CPEB3: variants seen among roughly 807,000 people sequenced by gnomAD.
CPEB3 encodes cytoplasmic polyadenylation element binding protein 3.
Under a neutral mutation model 67.2 loss-of-function variants are expected in CPEB3, and 20 were observed. The observed-to-expected ratio is 0.30, with a 90% confidence interval of 0.21 to 0.43. The LOEUF is 0.43. Ranked by LOEUF, CPEB3 falls within the 20% of genes least tolerant of loss-of-function variation. CPEB3 has a pLI of 1.00. For missense variants in CPEB3, 746 were observed against 968.6 expected (o/e 0.77, Z 3.05); for synonymous variants, 376 against 393.1 (o/e 0.96, Z 0.51).
chr10:92,088,999 T>C (rs141768114), intron 8 of CPEB3, among the ~76,000 whole-genome samples: 1 of 152,366 alleles, frequency 6.6e-6, no homozygotes, highest in African/African-American at 2.4e-5. Flanking sequence ...TTTGACTGTC[T>C]GTAAATGATT....
At chr10:92,099,557 A>G (rs1196840019) in intron 7 of CPEB3, among the ~76,000 whole-genome samples, 1 of 152,118 alleles carries the variant, frequency 6.6e-6, no homozygotes, top group Non-Finnish European at 1.5e-5. Context: ...AAAATTAAAT[A>G]TAAAATGCAT....
intron 9 of CPEB3, among the ~76,000 whole-genome samples, chr10:92,057,690 AGTG>A (rs1368621114): frequency 6.6e-6 from 1 of 152,204 alleles, no homozygotes; most frequent in Non-Finnish European, 1.5e-5. Context: ...GCACAGTCAG[AGTG>A]GTGGTGGCCA....
At position 92,192,594 on chromosome 10, in the gene CPEB3, C is replaced by T. The variant is rs560032811; in HGVS notation, c.1048G>A (p.Glu350Lys). 6.2e-7 allele frequency: 1 copy of T among 1,612,994 alleles called. No individual in the cohort carries two copies. Among genetic ancestry groups the T allele is most frequent in the East Asian group, 2.2e-5 (1 of 44,840 alleles). ...CTTATCATATCCATTAAGGAGTTCT[C>T]CAACGAGTGCAAGTTAAAAGTATCA... ...PYDTFNLHSL[E>K]NSLMDMIRTD... The change falls in exon 3 of 10, where the codon GAG (glutamate) becomes AAG (lysine). Residue 350 changes from glutamate (E) to lysine (K), a missense_variant. Around this residue, in one of 2 missense-constraint regions of CPEB3, gnomAD observed 643 missense variants for 717.5 expected, o/e 0.90. Coordinates refer to ENST00000265997, the MANE Select transcript of CPEB3 (RefSeq NM_014912.5).
At chr10:92,108,583 C>T (rs948866144) in intron 7 of CPEB3, among the ~76,000 whole-genome samples, 1 of 152,158 alleles carries the variant, frequency 6.6e-6, no homozygotes, top group Non-Finnish European at 1.5e-5. Context: ...GTTTCCTATC[C>T]TAAGTTTTAC....
rs1333017192 is a variant in CPEB3, at chr10:92,277,778, C to T, written c.-12+13148G>A. 2.0e-5 allele frequency among the ~76,000 whole-genome samples: 3 copies of T among 152,058 alleles called. No homozygotes were observed. The East Asian group carries it at 5.8e-4, about 29-fold the overall frequency. On this transcript the variant is annotated intron_variant, in intron 1 of 9. Transcript: ENST00000265997. Reference sequence around the variant, plus strand: ...TGGTGGCAGGTGCATGTAGTCCCAGCTACTCGGGAGGCTGAGGCAGGAGAA... The same window carrying T: ...TGGTGGCAGGTGCATGTAGTCCCAGTTACTCGGGAGGCTGAGGCAGGAGAA...
intron 2 of CPEB3, among the ~76,000 whole-genome samples, chr10:92,235,168 T>C (rs546187491): frequency 1.8e-4 from 27 of 152,256 alleles, no homozygotes; most frequent in African/African-American, 6.0e-4. Context: ...TGGGGATATT[T>C]AGAATGCACT....
chr10:92,217,912 G>C lies in CPEB3; in HGVS notation c.1005+21434C>G, dbSNP rs190984638. 3.7e-3 allele frequency among the ~76,000 whole-genome samples: 569 copies of C among 152,322 alleles called. 3 individuals carry two copies. The highest frequency in any genetic ancestry group is 0.013 in the African/African-American group (542 of 41,578). ...GCAGTAAAACAGCTTGAGCCCAGGA[G>C]TTCAAGACCAGCCTGGCCAACATGG... On this transcript the variant is annotated intron_variant, in intron 2 of 9. Transcript: ENST00000265997.
At chr10:92,205,755 T>C (rs908677348) in intron 2 of CPEB3, among the ~76,000 whole-genome samples, 1 of 151,452 alleles carries the variant, frequency 6.6e-6, no homozygotes, top group Non-Finnish European at 1.5e-5. Flanking sequence ...GGATTACAGG[T>C]GTGAGCCACT....
intron 6 of CPEB3, among the ~76,000 whole-genome samples, chr10:92,131,951 A>G (rs1291574436): frequency 2.6e-5 from 4 of 152,200 alleles, no homozygotes; most frequent in South Asian, 2.1e-4. Flanking sequence ...TTTTTCCAGT[A>G]TCTGTATTTT....
chr10:92,137,827 T>C (rs1037937691), intron 6 of CPEB3: 1 of 188,574 alleles, frequency 5.3e-6, no homozygotes. Context: ...TGAAACCCCA[T>C]CTCTACTAAA....
chr10:92,253,136 C>T (rs1852369299), intron 1 of CPEB3, among the ~76,000 whole-genome samples: 1 of 152,136 alleles, frequency 6.6e-6, no homozygotes, highest in African/African-American at 2.4e-5. Flanking sequence ...CATACTTATT[C>T]TGTTTGTTGA....
At chr10:92,228,796 C>A (rs1851113502) in intron 2 of CPEB3, among the ~76,000 whole-genome samples, 1 of 151,802 alleles carries the variant, frequency 6.6e-6, no homozygotes, top group African/African-American at 2.4e-5. Flanking sequence ...TCACTGCAAC[C>A]TCCACCTCCT....
At chr10:92,121,255 G>A (rs758457125) in intron 6 of CPEB3, among the ~76,000 whole-genome samples, 26 of 147,540 alleles carry the variant, frequency 1.8e-4, no homozygotes, top group Non-Finnish European at 3.0e-4. Context: ...TGATCCATCC[G>A]CCTCGGCCTC....
intron 9 of CPEB3, among the ~76,000 whole-genome samples, chr10:92,068,046 A>G (rs1842622219): frequency 6.6e-6 from 1 of 152,228 alleles, no homozygotes; most frequent in Non-Finnish European, 1.5e-5. Context: ...TAGGGTTATG[A>G]AAGATTTTAA....
chr10:92,106,814 CAAAAAAAAAAAAAAAAA>C (rs531195477), intron 7 of CPEB3, among the ~76,000 whole-genome samples: 1 of 55,974 alleles, frequency 1.8e-5, no homozygotes, highest in Non-Finnish European at 3.0e-5. Context: ...GACTCTGTCT[CAAAAAAAAAAAAAAAAA>C]AAAAAAAAAG....
chr10:92,201,240 A>T (rs1179750484), intron 2 of CPEB3, among the ~76,000 whole-genome samples: 1 of 152,034 alleles, frequency 6.6e-6, no homozygotes, highest in Non-Finnish European at 1.5e-5. Context: ...AAAAGTACAA[A>T]AATTAGGCCG....
chr10:92,084,770 T>C (rs1243053915), intron 8 of CPEB3, among the ~76,000 whole-genome samples: 1 of 151,962 alleles, frequency 6.6e-6, no homozygotes, highest in Non-Finnish European at 1.5e-5. Flanking sequence ...TAGTAGAGAC[T>C]GGGTTTCACC....
At chr10:92,286,219 G>A (rs1346588746) in intron 1 of CPEB3, among the ~76,000 whole-genome samples, 1 of 152,060 alleles carries the variant, frequency 6.6e-6, no homozygotes, top group Non-Finnish European at 1.5e-5. Flanking sequence ...ACAGGCGTGA[G>A]CTACCACACC....
intron 9 of CPEB3, among the ~76,000 whole-genome samples, chr10:92,052,835 G>A (rs1040400049): frequency 3.3e-5 from 5 of 152,192 alleles, no homozygotes; most frequent in African/African-American, 4.8e-5. Flanking sequence ...CCTGAAAGCC[G>A]GGCAGCATCT....
Sources: allele counts gnomAD v4.1 joint callset (sites outside exome capture counted in the v4.1 genomes callset), GRCh38; gene constraint gnomAD v4.1.1; regional missense constraint gnomAD v4.1.1; transcripts MANE v1.5; gene names NCBI Gene and HGNC (gene_info 2026-07-23, HGNC 2026-07-21).